FAM163A: variants seen among roughly 807,000 people sequenced by gnomAD.
FAM163A encodes family with sequence similarity 163 member A.
A neutral mutation model predicts 12.0 loss-of-function variants in FAM163A; 7 were observed. The ratio of observed to expected loss-of-function variants is 0.58; its 90% confidence interval spans 0.33 to 1.10. FAM163A has a LOEUF of 1.10. Ranked by LOEUF, FAM163A falls within the 50% of genes least tolerant of loss-of-function variation. The probability of loss-of-function intolerance (pLI) is 0.03; values close to 1 mark genes in which losing one functional copy is unlikely to be tolerated. For missense variants in FAM163A, 202 were observed against 218.6 expected (o/e 0.92, Z 0.48); for synonymous variants, 101 against 91.0 (o/e 1.11, Z -0.62).
intron 1 of FAM163A, among the ~76,000 whole-genome samples, chr1:179,802,684 C>T (rs1347159343): frequency 2.0e-5 from 3 of 152,202 alleles, no homozygotes; most frequent in African/African-American, 7.2e-5. Context: ...CCAGCTACAC[C>T]CACCACCAGT....
upstream of FAM163A, among the ~76,000 whole-genome samples, chr1:179,739,145 C>T (rs1410171653): frequency 1.3e-5 from 2 of 151,876 alleles, no homozygotes; most frequent in African/African-American, 4.8e-5. Context: ...AGGAGCTGCT[C>T]AACCTAGCCC....
chr1:179,810,600 A>C (rs996782214), intron 2 of FAM163A, among the ~76,000 whole-genome samples: 43 of 152,280 alleles, frequency 2.8e-4, no homozygotes, highest in Admixed American at 2.2e-3. Context: ...AGCTCAATAC[A>C]ACACCTGCAG....
chr1:179,732,991 C>G, the FAM163A span, among the ~76,000 whole-genome samples: 2 of 150,364 alleles, frequency 1.3e-5, no homozygotes, highest in African/African-American at 2.5e-5. Flanking sequence ...AGGATGTGGA[C>G]AGAGACCTGC....
intron 1 of FAM163A, among the ~76,000 whole-genome samples, chr1:179,743,902 C>T (rs998063472): frequency 2.6e-5 from 4 of 152,134 alleles, no homozygotes; most frequent in African/African-American, 7.2e-5. Context: ...CCCGCCGCCA[C>T]CCGGGGAGCA....
upstream of FAM163A, among the ~76,000 whole-genome samples, chr1:179,741,531 A>G (rs3909018): frequency 0.24 from 36,122 of 152,236 alleles, 4,965 homozygotes; most frequent in East Asian, 0.63. Flanking sequence ...AAACCCAAAT[A>G]TCTAAAGTGC....
intron 1 of FAM163A, among the ~76,000 whole-genome samples, chr1:179,754,203 G>A (rs911973682): frequency 1.3e-5 from 2 of 151,994 alleles, no homozygotes; most frequent in East Asian, 1.9e-4. Flanking sequence ...GCTAAGCCAG[G>A]GTAGATTCTG....
chr1:179,797,217 CG>C lies in FAM163A; in HGVS notation c.-135-10578del, dbSNP rs200398732. On this transcript the variant is annotated intron_variant, in intron 1 of 4. Transcript: ENST00000341785. ...GTCCCAGCACTGTGGGAGGCCGAGG[CG>C]GGCAGCTCACTTGAAGTCAGGAGTT... is the stretch of plus-strand genomic sequence containing the variant. Among the ~76,000 whole-genome samples the C allele has an allele frequency of 8.7e-3, 1,327 of 152,260 alleles. 23 individuals are homozygous for C. The highest frequency in any genetic ancestry group is 0.03 in the African/African-American group (1,264 of 41,544).
intron 1 of FAM163A, among the ~76,000 whole-genome samples, chr1:179,778,477 T>C (rs2148160379): frequency 6.6e-6 from 1 of 152,214 alleles, no homozygotes; most frequent in Middle Eastern, 3.4e-3. Flanking sequence ...AACATGTGCT[T>C]ATGTGAGTCT....
chr1:179,776,791 T>G (rs999592312), intron 1 of FAM163A, among the ~76,000 whole-genome samples: 2 of 152,236 alleles, frequency 1.3e-5, no homozygotes, highest in Non-Finnish European at 2.9e-5. Context: ...TTCAAAGTGT[T>G]CAGTTCAATG....
At chr1:179,775,144 G>A (rs1156891406) in intron 1 of FAM163A, among the ~76,000 whole-genome samples, 1 of 152,138 alleles carries the variant, frequency 6.6e-6, no homozygotes, top group African/African-American at 2.4e-5. Context: ...GCTCCCCATT[G>A]GCCACTTGGC....
chr1:179,782,427 C>G (rs1408587355), intron 1 of FAM163A, among the ~76,000 whole-genome samples: 1 of 151,886 alleles, frequency 6.6e-6, no homozygotes, highest in East Asian at 1.9e-4. Flanking sequence ...GTGATGTGGT[C>G]CGGGCAGCAC....
chr1:179,780,707 C>G lies in FAM163A; in HGVS notation c.-135-27091C>G, dbSNP rs74836231. Among the ~76,000 whole-genome samples, 113 of 152,338 alleles carry G rather than the reference C, an allele frequency of 7.4e-4. 1 individual carries two copies. The highest frequency in any genetic ancestry group is 5.2e-3 in the East Asian group (27 of 5,192). The stretch of plus-strand genomic sequence containing the variant: ...TGCTAAAGTTTGTGTGATTCCTACA[C>G]AGGTACCTGCCCCAAGACAGTTTGC... On this transcript the variant is annotated intron_variant, in intron 1 of 4. Coordinates refer to ENST00000341785, the MANE Select transcript of FAM163A (RefSeq NM_173509.3).
At chr1:179,783,759 T>A (rs1259565744) in intron 1 of FAM163A, among the ~76,000 whole-genome samples, 4 of 140,892 alleles carry the variant, frequency 2.8e-5, no homozygotes, top group African/African-American at 7.8e-5. Flanking sequence ...ATATATATAT[T>A]ATATAATTTA....
intron 1 of FAM163A, among the ~76,000 whole-genome samples, chr1:179,797,890 TG>T (rs1692566690): frequency 6.6e-6 from 1 of 152,072 alleles, no homozygotes. Context: ...GAACCATATG[TG>T]TTGATGTGCG....
the FAM163A span, among the ~76,000 whole-genome samples, chr1:179,729,612 G>A: frequency 6.6e-6 from 1 of 152,218 alleles, no homozygotes; most frequent in African/African-American, 2.4e-5. Flanking sequence ...TGCTTTCAGA[G>A]TTGGCCTGGT....
chr1:179,813,294 C>T (rs1694956600), intron 4 of FAM163A, 104 bp downstream of exon 4: 1 of 1,118,266 alleles, frequency 8.9e-7, no homozygotes, highest in Non-Finnish European at 1.3e-6. Flanking sequence ...CCACAGAGCC[C>T]AAAGCTATGG....
intron 1 of FAM163A, among the ~76,000 whole-genome samples, chr1:179,790,403 G>A (rs1487347875): frequency 6.6e-6 from 1 of 152,112 alleles, no homozygotes; most frequent in South Asian, 2.1e-4. Flanking sequence ...GATTTGCCCA[G>A]TTTACACAGC....
intron 1 of FAM163A, among the ~76,000 whole-genome samples, chr1:179,744,176 G>T (rs909622610): frequency 2.0e-5 from 3 of 152,210 alleles, no homozygotes; most frequent in African/African-American, 7.2e-5. Context: ...CAGGACAGCG[G>T]GGGTAGGACG....
intron 1 of FAM163A, among the ~76,000 whole-genome samples, chr1:179,798,785 C>T (rs944987609): frequency 2.6e-5 from 4 of 152,220 alleles, no homozygotes; most frequent in Admixed American, 2.0e-4. Context: ...TGGGTGGACA[C>T]AGCTTCCAAA....
Sources: gnomAD v4.1 joint callset for allele counts (sites outside exome capture counted in the v4.1 genomes callset) on GRCh38, gnomAD v4.1.1 for gene constraint, MANE v1.5 for transcripts, NCBI Gene and HGNC (gene_info 2026-07-23, HGNC 2026-07-21) for gene names.